The following ERICH1 variants were observed in gnomAD, a reference collection of about 807,000 sequenced individuals.
ERICH1 encodes the protein glutamate rich 1.
ERICH1 carries 56 observed loss-of-function variants against 39.6 expected under a neutral mutation model. That is an observed-to-expected ratio of 1.41 (90% CI 1.14 to 1.77). The LOEUF (loss-of-function observed/expected upper bound fraction) is 1.77, where lower values mean the gene tolerates loss of function less well. ERICH1 is among the 40% of genes most tolerant of loss of function. The pLI, the probability that ERICH1 is intolerant of heterozygous loss-of-function variation, is 0.00. For missense variants in ERICH1, 826 were observed against 575.4 expected (o/e 1.44, Z -4.45); for synonymous variants, 313 against 223.6 (o/e 1.40, Z -3.57).
chr8:698,017 G>A (rs1810758235), intron 2 of ERICH1, among the ~76,000 whole-genome samples: 1 of 152,146 alleles, frequency 6.6e-6, no homozygotes, highest in Non-Finnish European at 1.5e-5. Flanking sequence ...CCACCGGCGT[G>A]TACCTGTGAC....
At chr8:718,570 A>G (rs1355510810) in intron 1 of ERICH1, among the ~76,000 whole-genome samples, 1 of 152,218 alleles carries the variant, frequency 6.6e-6, no homozygotes, top group Non-Finnish European at 1.5e-5. Flanking sequence ...GGCGGGAACA[A>G]TGTAAAGTCA....
At chr8:700,741 C>T (rs934333536) in intron 2 of ERICH1, among the ~76,000 whole-genome samples, 7 of 152,252 alleles carry the variant, frequency 4.6e-5, no homozygotes, top group African/African-American at 1.7e-4. Flanking sequence ...ATCGGATGGC[C>T]TCCTCCATGC....
At chr8:711,841 T>C (rs1585585490) in intron 2 of ERICH1, among the ~76,000 whole-genome samples, 2 of 152,328 alleles carry the variant, frequency 1.3e-5, no homozygotes, top group East Asian at 1.9e-4. Context: ...GTTTAAGGTC[T>C]GTGTCTATAT....
At chr8:629,441 C>G (rs1797804821) in intron 3 of ERICH1, among the ~76,000 whole-genome samples, 1 of 150,324 alleles carries the variant, frequency 6.7e-6, no homozygotes, top group African/African-American at 2.4e-5. Context: ...CCCACACAGA[C>G]AGAGCTGACT....
At chr8:618,930 G>A (rs919036263) in intron 3 of ERICH1, among the ~76,000 whole-genome samples, 7 of 152,094 alleles carry the variant, frequency 4.6e-5, no homozygotes, top group Non-Finnish European at 8.8e-5. Flanking sequence ...TCATTTAACC[G>A]GAGAAAATGG....
intron 5 of ERICH1, chr8:666,409 G>C (rs1436640307): frequency 1.3e-5 from 2 of 152,208 alleles, no homozygotes; most frequent in African/African-American, 2.4e-5. Flanking sequence ...ATCTAAGTTT[G>C]TTAAGTACTT....
chr8:628,266 G>A (rs1236274900), intron 3 of ERICH1, among the ~76,000 whole-genome samples: 2 of 152,240 alleles, frequency 1.3e-5, no homozygotes, highest in African/African-American at 4.8e-5. Context: ...CCCTGGCCAG[G>A]GCCCCTGTGT....
chr8:700,840 G>T (rs1196174581), intron 2 of ERICH1, among the ~76,000 whole-genome samples: 1 of 152,250 alleles, frequency 6.6e-6, no homozygotes, highest in African/African-American at 2.4e-5. Context: ...CCAGATGGCA[G>T]ATAAGAGGAA....
intron 3 of ERICH1, among the ~76,000 whole-genome samples, chr8:654,179 C>T (rs1255502785): frequency 1.3e-5 from 2 of 152,070 alleles, no homozygotes; most frequent in Non-Finnish European, 2.9e-5. Flanking sequence ...CCTCAAAAGC[C>T]CCAGTTCTTT....
At chr8:632,773 C>T (rs77282385) in intron 3 of ERICH1, among the ~76,000 whole-genome samples, 23 of 152,156 alleles carry the variant, frequency 1.5e-4, no homozygotes, top group African/African-American at 3.1e-4. Context: ...GGTAACATAA[C>T]GCCCAAGTGG....
At chr8:708,902 C>T (rs1814071644) in intron 2 of ERICH1, among the ~76,000 whole-genome samples, 1 of 151,432 alleles carries the variant, frequency 6.6e-6, no homozygotes. Flanking sequence ...GCCATGTTGC[C>T]CAGGCTGGTC....
intron 3 of ERICH1, among the ~76,000 whole-genome samples, chr8:621,706 C>G (rs552753462): frequency 6.6e-6 from 1 of 151,208 alleles, no homozygotes; most frequent in African/African-American, 2.4e-5. Flanking sequence ...AGAAAGACTA[C>G]GAAAGAAAGA....
Position 725,227 on chromosome 8 carries a change from G to A in ERICH1, c.22+5913C>T, listed in dbSNP as rs1340419553. On this transcript the variant is annotated intron_variant, in intron 1 of 5. Transcript: ENST00000262109. ...GGCTTCCGTGCCTGCTGTCCTCTCCGGCTTCCTGTCTGCTCTGTTCTCACA... is the reference window on the plus strand; with the variant it reads ...GGCTTCCGTGCCTGCTGTCCTCTCCAGCTTCCTGTCTGCTCTGTTCTCACA... 4 of 185,580 alleles carry A rather than the reference G, an allele frequency of 2.2e-5. No individual in the cohort carries two copies. In the South Asian group the frequency reaches 3.2e-4, roughly 15 times the overall value. 11.5% of individuals were successfully genotyped at this position (185,580 alleles called of 1,614,324 possible).
chr8:690,363 T>C (rs1419643461), intron 3 of ERICH1, among the ~76,000 whole-genome samples: 1 of 152,234 alleles, frequency 6.6e-6, no homozygotes, highest in Non-Finnish European at 1.5e-5. Flanking sequence ...GGTCTGCCTG[T>C]CTTCATAAAA....
rs371615587 is a variant in ERICH1, at chr8:677,597, G to A, written c.305-3550C>T. On this transcript the variant is annotated intron_variant, in intron 3 of 5. Coordinates refer to ENST00000262109, the MANE Select transcript of ERICH1 (RefSeq NM_207332.3). ...CAACCAGCCTGGTCCAGACGTCTTTGAACAGCAGCCTCTGGGTCTGCCCTG... is the reference window on the plus strand; with the variant it reads ...CAACCAGCCTGGTCCAGACGTCTTTAAACAGCAGCCTCTGGGTCTGCCCTG... 6.6e-5 allele frequency among the ~76,000 whole-genome samples: 10 copies of A among 152,280 alleles called. No homozygotes were observed. The East Asian group carries it at 9.6e-4, about 15-fold the overall frequency.
intron 3 of ERICH1, among the ~76,000 whole-genome samples, chr8:633,214 G>A (rs1475495653): frequency 1.3e-5 from 2 of 152,132 alleles, no homozygotes; most frequent in Non-Finnish European, 2.9e-5. Flanking sequence ...ATGGCCTGGC[G>A]ACTCTGTTCT....
Position 652,251 on chromosome 8 carries a change from G to A in ERICH1, c.976+16347C>T, listed in dbSNP as rs1053856091. ...TGGCAGGAAATGCAGCCAGCAGGAG[G>A]AAAGGTTACGTGATGGAGGGAGAAG... On this transcript the variant is annotated intron_variant, in intron 3 of 3. Coordinates refer to the ERICH1 transcript ENST00000522706. Among the ~76,000 whole-genome samples the A allele has an allele frequency of 5.3e-5, 8 of 152,374 alleles. No homozygotes were observed. The East Asian group carries it at 1.5e-3, about 29-fold the overall frequency.
chr8:670,841 C>A (rs1303003451), intron 4 of ERICH1, among the ~76,000 whole-genome samples: 1 of 151,942 alleles, frequency 6.6e-6, no homozygotes, highest in Non-Finnish European at 1.5e-5. Flanking sequence ...GACCTCTGAA[C>A]CCACTGGCCC....
At chr8:677,295 A>G (rs1387202593) in intron 3 of ERICH1, among the ~76,000 whole-genome samples, 1 of 152,196 alleles carries the variant, frequency 6.6e-6, no homozygotes, top group African/African-American at 2.4e-5. Context: ...TCACGGTCAA[A>G]CTGAACGCCG....
Sources: allele counts gnomAD v4.1 joint callset (sites outside exome capture counted in the v4.1 genomes callset), GRCh38; gene constraint gnomAD v4.1.1; transcripts MANE v1.5; gene names NCBI Gene and HGNC (gene_info 2026-07-23, HGNC 2026-07-21).